Variants in CSMD1 observed in about 807,000 individuals in gnomAD.
CSMD1 encodes the protein CUB and sushi domain-containing protein 1.
CSMD1 carries 213 observed loss-of-function variants against 417.5 expected under a neutral mutation model. The ratio of observed to expected loss-of-function variants is 0.51; its 90% CI spans 0.46 to 0.57. The LOEUF (loss-of-function observed/expected upper bound fraction) is 0.57, where lower values mean the gene tolerates loss of function less well. Ranked by LOEUF, CSMD1 falls within the 20% of genes least tolerant of loss-of-function variation. The pLI, the probability that CSMD1 is intolerant of heterozygous loss-of-function variation, is 0.00. For synonymous variants in CSMD1, 2,862 were observed against 1,736.8 expected (o/e 1.65, Z -16.11); for missense variants, 6,923 against 4,529.7 (o/e 1.53, Z -15.17).
At chr8:2,964,802 C>T (rs1357410639) in intron 59 of CSMD1, among the ~76,000 whole-genome samples, 4 of 152,090 alleles carry the variant, frequency 2.6e-5, no homozygotes, top group African/African-American at 7.2e-5. Context: ...TCCAAGAACA[C>T]GCCCATGTCA....
chr8:4,782,628 C>A (rs1797210668), intron 1 of CSMD1, among the ~76,000 whole-genome samples: 2 of 152,068 alleles, frequency 1.3e-5, no homozygotes, highest in African/African-American at 2.4e-5. Flanking sequence ...GCATGTACAG[C>A]TATTTTTTAC....
chr8:3,159,101 G>A (rs1283578285), intron 38 of CSMD1, among the ~76,000 whole-genome samples: 1 of 152,062 alleles, frequency 6.6e-6, no homozygotes, highest in Admixed American at 6.6e-5. Context: ...GACACTCTCT[G>A]TATCCCCATT....
chr8:4,296,524 G>A (rs190675226), intron 3 of CSMD1, among the ~76,000 whole-genome samples: 1 of 152,048 alleles, frequency 6.6e-6, no homozygotes, highest in East Asian at 1.9e-4. Flanking sequence ...ATCTATTTCT[G>A]ATGTTAAGCA....
intron 12 of CSMD1, among the ~76,000 whole-genome samples, chr8:3,442,429 A>G (rs1413703259): frequency 6.6e-6 from 1 of 152,136 alleles, no homozygotes; most frequent in African/African-American, 2.4e-5. Flanking sequence ...CCTTATACAG[A>G]TGTCCCACTT....
chr8:3,271,281 G>C (rs113590376), intron 26 of CSMD1, among the ~76,000 whole-genome samples: 40,449 of 151,224 alleles, frequency 0.27, 5,609 homozygotes, highest in African/African-American at 0.34. Flanking sequence ...AGGCTGCATA[G>C]TATTCCATGG....
At chr8:4,415,221 C>G (rs550284337) in intron 3 of CSMD1, among the ~76,000 whole-genome samples, 1 of 152,112 alleles carries the variant, frequency 6.6e-6, no homozygotes, top group Non-Finnish European at 1.5e-5. Flanking sequence ...GCCTCCGCTC[C>G]CCACTGAACT....
intron 12 of CSMD1, among the ~76,000 whole-genome samples, chr8:3,458,981 G>C (rs928875775): frequency 2.6e-5 from 4 of 152,338 alleles, no homozygotes; most frequent in African/African-American, 9.6e-5. Context: ...CAGCTCTCAA[G>C]CTGGGCCTTG....
chr8:4,188,844 A>C (rs1022396221), intron 3 of CSMD1, among the ~76,000 whole-genome samples: 1 of 152,002 alleles, frequency 6.6e-6, no homozygotes, highest in Admixed American at 6.5e-5. Flanking sequence ...TTAAAAAAAA[A>C]AACGAAATGT....
intron 2 of CSMD1, among the ~76,000 whole-genome samples, chr8:4,508,088 C>CAAAAAAAAAAAAAAAAAAA (rs1479337216): frequency 1.1e-5 from 1 of 90,694 alleles, no homozygotes; most frequent in East Asian, 3.3e-4. Context: ...AAAAAAAATA[C>CAAAAAAAAAAAAAAAAAAA]CAAAAAAAAA....
chr8:3,211,340 T>G (rs892801628), intron 30 of CSMD1, among the ~76,000 whole-genome samples: 2 of 152,210 alleles, frequency 1.3e-5, no homozygotes, highest in Non-Finnish European at 2.9e-5. Flanking sequence ...CAGCTTTGTC[T>G]GGTCTAAAAT....
intron 5 of CSMD1, among the ~76,000 whole-genome samples, chr8:3,938,671 A>T (rs1004605812): frequency 6.6e-6 from 1 of 152,162 alleles, no homozygotes; most frequent in Admixed American, 6.6e-5. Context: ...GCTTCTGTTA[A>T]TTACTTTGAA....
At chr8:4,575,157 C>G (rs989877574) in intron 2 of CSMD1, among the ~76,000 whole-genome samples, 1 of 152,166 alleles carries the variant, frequency 6.6e-6, no homozygotes, top group African/African-American at 2.4e-5. Context: ...GTCTCTATAG[C>G]ACTGTGGCCA....
intron 12 of CSMD1, among the ~76,000 whole-genome samples, chr8:3,445,393 G>A (rs1021703339): frequency 1.3e-5 from 2 of 152,124 alleles, no homozygotes; most frequent in African/African-American, 4.8e-5. Flanking sequence ...ACACTCAAGA[G>A]GCAGATATGA....
At chr8:4,820,451 C>A (rs535324319) in intron 1 of CSMD1, among the ~76,000 whole-genome samples, 2 of 152,134 alleles carry the variant, frequency 1.3e-5, no homozygotes, top group Non-Finnish European at 2.9e-5. Flanking sequence ...CATTTCTGCA[C>A]TGGTTTTCCT....
rs146731953 is a variant in CSMD1, at chr8:3,511,451, G to C, written c.1345-17725C>G. Reference sequence around the variant, plus strand: ...GTACCTATCCTCCAAAAGAAGAGAAGGTTTACTCAAAATCTGTGGCCAGCC... The same window carrying C: ...GTACCTATCCTCCAAAAGAAGAGAACGTTTACTCAAAATCTGTGGCCAGCC... On this transcript the variant is annotated intron_variant, in intron 10 of 69. Transcript: ENST00000635120. Among the ~76,000 whole-genome samples the C allele has an allele frequency of 9.9e-5, 15 of 151,766 alleles. 1 individual carries two copies. The highest frequency in any genetic ancestry group is 2.9e-4 in the African/African-American group (12 of 41,118).
intron 3 of CSMD1, among the ~76,000 whole-genome samples, chr8:4,321,242 A>G (rs111358240): frequency 1.1e-4 from 16 of 152,152 alleles, no homozygotes; most frequent in African/African-American, 3.6e-4. Context: ...GCCTACAGCT[A>G]GTCCCTGTGG....
chr8:3,935,620 TG>T (rs1810439630), intron 5 of CSMD1, among the ~76,000 whole-genome samples: 1 of 152,132 alleles, frequency 6.6e-6, no homozygotes, highest in African/African-American at 2.4e-5. Flanking sequence ...TGTAATTGTT[TG>T]GGGGCCCCAT....
chr8:3,048,974 T>C (rs552435165), intron 50 of CSMD1, among the ~76,000 whole-genome samples: 1 of 151,418 alleles, frequency 6.6e-6, no homozygotes, highest in South Asian at 2.1e-4. Flanking sequence ...ACTGAGCATA[T>C]GAAAAGATGC....
intron 7 of CSMD1, among the ~76,000 whole-genome samples, chr8:3,654,092 G>A (rs764876110): frequency 2.6e-5 from 4 of 152,140 alleles, no homozygotes; most frequent in South Asian, 2.1e-4. Context: ...TTTTCTGTTA[G>A]AGTAGAGGGT....
Sources: gnomAD v4.1 joint callset for allele counts (sites outside exome capture counted in the v4.1 genomes callset) on GRCh38, gnomAD v4.1.1 for gene constraint, MANE v1.5 for transcripts, NCBI Gene and HGNC (gene_info 2026-07-23, HGNC 2026-07-21) for gene names.